Variants in PDE10A observed in about 807,000 individuals in gnomAD.
The protein encoded by PDE10A is phosphodiesterase 10A.
A neutral mutation model predicts 97.7 loss-of-function variants in PDE10A; 39 were observed. The observed-to-expected ratio is 0.40, with a 90% CI of 0.31 to 0.52. The LOEUF (loss-of-function observed/expected upper bound fraction) is 0.52, where lower values mean the gene tolerates loss of function less well. Ranked by LOEUF, PDE10A falls within the 20% of genes least tolerant of loss-of-function variation. PDE10A has a pLI of 0.56. For synonymous variants in PDE10A, 371 were observed against 376.8 expected (o/e 0.98, Z 0.18); for missense variants, 731 against 1,047.8 (o/e 0.70, Z 4.17).
intron 1 of PDE10A, among the ~76,000 whole-genome samples, chr6:165,594,514 G>A (rs980782562): frequency 3.3e-5 from 5 of 152,166 alleles, no homozygotes; most frequent in African/African-American, 1.2e-4. Context: ...GAACAAAAAA[G>A]TGGGAGCAGA....
chr6:165,604,320 G>C (rs767833003), intron 1 of PDE10A, among the ~76,000 whole-genome samples: 7 of 152,092 alleles, frequency 4.6e-5, no homozygotes, highest in Non-Finnish European at 1.0e-4. Context: ...CTTTCAATAA[G>C]TGAATCATTG....
chr6:165,398,943 G>C (rs1183953939), intron 13 of PDE10A, among the ~76,000 whole-genome samples: 1 of 152,128 alleles, frequency 6.6e-6, no homozygotes, highest in East Asian at 1.9e-4. Context: ...AATTCTACTC[G>C]AACTATAAAG....
chr6:165,394,943 A>AT (rs945995780), intron 15 of PDE10A, among the ~76,000 whole-genome samples: 2 of 152,134 alleles, frequency 1.3e-5, no homozygotes, highest in South Asian at 2.1e-4. Flanking sequence ...AGCTTTTCAG[A>AT]TTTTTTAACC....
At chr6:165,952,421 A>T (rs760674476) in intron 1 of PDE10A, among the ~76,000 whole-genome samples, 3 of 152,228 alleles carry the variant, frequency 2.0e-5, no homozygotes, top group Non-Finnish European at 4.4e-5. Context: ...GGAACCTGTT[A>T]TGTTGTATGG....
chr6:165,495,653 AAAT>A (rs1265301203), intron 2 of PDE10A, among the ~76,000 whole-genome samples: 1 of 152,190 alleles, frequency 6.6e-6, no homozygotes, highest in Non-Finnish European at 1.5e-5. Context: ...CATTCTTACA[AAAT>A]AATAAATTCC....
At chr6:165,826,977 A>AG (rs1177005524) in intron 1 of PDE10A, among the ~76,000 whole-genome samples, 2 of 151,196 alleles carry the variant, frequency 1.3e-5, no homozygotes, top group African/African-American at 2.4e-5. Flanking sequence ...GGACATCAGG[A>AG]GGGGCACGGA....
At chr6:165,450,859 G>A (rs79006897) in intron 3 of PDE10A, among the ~76,000 whole-genome samples, 13,232 of 152,094 alleles carry the variant, frequency 0.087, 811 homozygotes, top group Middle Eastern at 0.19. Flanking sequence ...CACTGCACCC[G>A]GCCGACTTCT....
chr6:165,828,323 C>T (rs1003691491), intron 1 of PDE10A, among the ~76,000 whole-genome samples: 11 of 152,106 alleles, frequency 7.2e-5, no homozygotes, highest in Non-Finnish European at 1.2e-4. Flanking sequence ...ATGTCAAAGT[C>T]CAGAGGATGA....
intron 1 of PDE10A, among the ~76,000 whole-genome samples, chr6:165,938,137 A>C (rs1783395775): frequency 6.6e-6 from 1 of 152,244 alleles, no homozygotes; most frequent in Admixed American, 6.5e-5. Context: ...AAACAGAGCA[A>C]TGAGCTTTGG....
chr6:165,952,656 G>A (rs530941325), intron 1 of PDE10A, among the ~76,000 whole-genome samples: 24 of 152,248 alleles, frequency 1.6e-4, no homozygotes, highest in African/African-American at 4.8e-4. Context: ...TCAACTCCCC[G>A]CCTGGGCAGA....
At chr6:165,433,215 T>C in intron 6 of PDE10A, 86 bp from the exon 7 acceptor site, 2 of 993,850 alleles carry the variant, frequency 2.0e-6, no homozygotes, top group Non-Finnish European at 3.1e-6. Flanking sequence ...ATTGCCATGA[T>C]ACTTGTAATC....
chr6:165,763,046 G>A (rs1291168139), intron 1 of PDE10A, among the ~76,000 whole-genome samples: 1 of 152,230 alleles, frequency 6.6e-6, no homozygotes, highest in African/African-American at 2.4e-5. Flanking sequence ...ATGTCTTGGG[G>A]CAGAATTGTG....
chr6:165,765,976 C>A (rs890505044), intron 1 of PDE10A, among the ~76,000 whole-genome samples: 1 of 152,200 alleles, frequency 6.6e-6, no homozygotes, highest in African/African-American at 2.4e-5. Context: ...GCTTTATTTC[C>A]CCCCTAAAAC....
chr6:165,380,607 C>T (rs927361103), intron 17 of PDE10A, among the ~76,000 whole-genome samples: 5 of 152,288 alleles, frequency 3.3e-5, no homozygotes, highest in South Asian at 4.1e-4. Context: ...TTGAAACACA[C>T]GACTTCACTT....
intron 1 of PDE10A, among the ~76,000 whole-genome samples, chr6:165,914,174 T>C (rs1782541517): frequency 6.6e-6 from 1 of 152,240 alleles, no homozygotes; most frequent in Admixed American, 6.5e-5. Flanking sequence ...ATTCTGAAGC[T>C]GTGTTATCAC....
intron 1 of PDE10A, among the ~76,000 whole-genome samples, chr6:165,769,719 G>A (rs73788791): frequency 0.028 from 4,274 of 152,286 alleles, 139 homozygotes; most frequent in African/African-American, 0.079. Flanking sequence ...ACAAAGGCAC[G>A]CATCTGACAT....
chr6:165,794,484 TAC>T (rs568072543), intron 1 of PDE10A, among the ~76,000 whole-genome samples: 4 of 149,322 alleles, frequency 2.7e-5, no homozygotes, highest in Admixed American at 1.3e-4. Flanking sequence ...ACACACTCAT[TAC>T]ACACACTACA....
At chr6:165,482,289 G>T in intron 3 of PDE10A, 26 bp downstream of exon 3, 1 of 1,459,288 alleles carries the variant, frequency 6.9e-7, no homozygotes, top group Non-Finnish European at 9.6e-7. Flanking sequence ...TACTGCAGTA[G>T]TAGAAATAAT....
At chr6:165,944,933 T>C (rs1783716927) in intron 1 of PDE10A, among the ~76,000 whole-genome samples, 1 of 152,236 alleles carries the variant, frequency 6.6e-6, no homozygotes, top group South Asian at 2.1e-4. Flanking sequence ...CTTCAATTTC[T>C]AGTTTTGCCA....
Sources: gnomAD v4.1 joint callset for allele counts (sites outside exome capture counted in the v4.1 genomes callset) on GRCh38, gnomAD v4.1.1 for gene constraint, MANE v1.5 for transcripts, NCBI Gene and HGNC (gene_info 2026-07-23, HGNC 2026-07-21) for gene names.